Variants in ASPM observed in about 807,000 individuals in gnomAD.
The protein encoded by ASPM is assembly factor for spindle microtubules, also known as abnormal spindle-like microcephaly-associated protein.
In ASPM, 256 loss-of-function variants were observed where a neutral mutation model predicts 366.4. That is an observed-to-expected ratio of 0.70 (90% CI 0.63 to 0.77). The LOEUF is 0.77. Ranked by LOEUF, ASPM falls within the 30% of genes least tolerant of loss-of-function variation. The pLI is 0.00. For missense variants in ASPM, 4,146 were observed against 4,090.4 expected, an observed-to-expected ratio of 1.01 and a Z score of -0.37; for synonymous variants, 1,414 against 1,342.9, an observed-to-expected ratio of 1.05 and a Z score of -1.16.
Position 197,142,686 on chromosome 1 carries a change from G to A in ASPM, c.1566C>T (p.Asn522=), listed in dbSNP as rs749981819. ...INKPKAKRCL[N]SAVGEHEKVI... is the part of the protein sequence containing the mutation. ...CTTTTTCATGTTCACCCACTGCACT[G>A]TTGAGACATCTTTTTGCTTTTGGTT... The change falls in exon 3 of 28, where the codon AAC becomes AAT. Residue 522 remains asparagine, a synonymous_variant. Transcript: ENST00000367409. 1.2e-5 allele frequency: 20 copies of A among 1,613,746 alleles called. No individual in the cohort carries two copies. In the South Asian group the frequency reaches 2.0e-4, roughly 16 times the overall value.
At chr1:197,140,251 C>T (rs532361052) in intron 3 of ASPM, among the ~76,000 whole-genome samples, 1 of 152,254 alleles carries the variant, frequency 6.6e-6, no homozygotes, top group East Asian at 1.9e-4. Context: ...AAGAGCCTTC[C>T]CAGATGGGAA....
chr1:197,131,843 C>G (rs1415775725), intron 7 of ASPM, among the ~76,000 whole-genome samples: 1 of 152,068 alleles, frequency 6.6e-6, no homozygotes, highest in Non-Finnish European at 1.5e-5. Context: ...ACAGCATGAG[C>G]CACCACACCT....
At position 197,095,999 on chromosome 1, in the gene ASPM, G is replaced by T; in HGVS notation, c.8986C>A (p.Arg2996=). 1.2e-6 allele frequency: 2 copies of T among 1,604,664 alleles called. No individual in the cohort carries two copies. Among genetic ancestry groups the T allele is most frequent in the East Asian group, 2.2e-5 (1 of 44,694 alleles). Residue 2996 remains arginine (R), a splice_region_variant and synonymous_variant, in exon 19 of 28, where the codon CGG becomes AGG. Coordinates refer to ENST00000367409, the MANE Select transcript of ASPM (RefSeq NM_018136.5). ...CTCCACAGAACTATGATACATTACCGTGTTCTCTCTAGTTTGGTATAGAAG... is the reference window on the plus strand; with the variant it reads ...CTCCACAGAACTATGATACATTACCTTGTTCTCTCTAGTTTGGTATAGAAG... ...GCFYTKLERT[R]FLNVRASAII... is the part of the protein sequence containing the mutation.
rs1657248091 is a variant in ASPM at position 197,102,944 on chromosome 1, C to A, written c.6307G>T (p.Val2103Phe). 3.7e-6 allele frequency: 6 copies of A among 1,612,312 alleles called. No homozygotes were observed. The highest frequency in any genetic ancestry group is 3.3e-5 in the South Asian group (3 of 91,052). Residue 2103 changes from valine to phenylalanine, a missense_variant, in exon 18 of 28, where the codon GTT becomes TTT. Physicochemically the swap from Val to Phe is conservative, Grantham distance 50. Around this residue, in one of 3 missense-constraint regions of ASPM, gnomAD observed 3,624 missense variants for 3,591.7 expected, o/e 1.01. Coordinates refer to ENST00000367409, the MANE Select transcript of ASPM (RefSeq NM_018136.5). ...CTTCTAACTCTAATACCTCTATAAA[C>A]AGATTGGATTTTAATTGCTGTCTTC... ...LKKTAIKIQS[V>F]YRGIRVRRHI...
At chr1:197,108,836 T>C (rs538541765) in intron 17 of ASPM, among the ~76,000 whole-genome samples, 2 of 151,934 alleles carry the variant, frequency 1.3e-5, no homozygotes, top group South Asian at 4.2e-4. Context: ...TTGAGTGTGG[T>C]GGTACATGCC....
chr1:197,139,126 T>C lies in ASPM; in HGVS notation c.2026+641A>G, dbSNP rs571373154. The C allele has an allele frequency of 2.3e-4, 188 of 816,512 alleles. No homozygotes were observed. In the Middle Eastern group the frequency reaches 3.9e-3, roughly 17 times the overall value. 50.6% of individuals were successfully genotyped at this position (816,512 alleles called of 1,614,324 possible). A position where few individuals can be genotyped will look rare whatever the true frequency, so the allele number is the denominator to read the frequency against. On this transcript the variant is annotated intron_variant, in intron 4 of 27. Coordinates refer to ENST00000367409, the MANE Select transcript of ASPM (RefSeq NM_018136.5). ...CCTACAGCATTCATAGTGCTGAGTG[T>C]AGGTTTTTCTTTTAGATTTTCCACA...
At chr1:197,133,219 TCATGTTGTATACCTTAAATATATGC>T in intron 6 of ASPM, 106 bp downstream of exon 6, 1 of 890,372 alleles carries the variant, frequency 1.1e-6, no homozygotes, top group Non-Finnish European at 1.7e-6. Context: ...TATATCAACA[TCATGTTGTATACCTTAAATATATGC>T]CAGTTTTACC....
In ASPM at chr1:197,109,804, T is replaced by A. The variant is rs567294836; in HGVS notation, c.4066-4619A>T. Reference sequence around the variant, plus strand: ...ATGTTAAAGGGTTAACATATAAGGATGAATGTTTATAAAAAAGAAACAAAT... The same window carrying A: ...ATGTTAAAGGGTTAACATATAAGGAAGAATGTTTATAAAAAAGAAACAAAT... On this transcript the variant is annotated intron_variant, in intron 17 of 27. Transcript: ENST00000367409. 5.3e-5 allele frequency among the ~76,000 whole-genome samples: 8 copies of A among 152,014 alleles called. No homozygotes were observed. In the South Asian group the frequency reaches 1.5e-3, roughly 28 times the overall value.
chr1:197,126,248 C>T (rs1658085365), intron 10 of ASPM, among the ~76,000 whole-genome samples: 1 of 151,992 alleles, frequency 6.6e-6, no homozygotes, highest in African/African-American at 2.4e-5. Flanking sequence ...CAAGACCAGC[C>T]TGACCAACAT....
chr1:197,103,408 C>A lies in ASPM; in HGVS notation c.5843G>T (p.Arg1948Leu), dbSNP rs373196055. 3 of 1,613,202 alleles carry A rather than the reference C, an allele frequency of 1.9e-6. No individual in the cohort carries two copies. Among genetic ancestry groups the A allele is most frequent in the Non-Finnish European group, 2.5e-6 (3 of 1,179,424 alleles). Residue 1948 changes from arginine (R) to leucine (L), a missense_variant, in exon 18 of 28, where the codon CGT (arginine) becomes CTT (leucine). By Grantham distance (102) the Arg-to-Leu change is moderately radical. Around this residue, in one of 3 missense-constraint regions of ASPM, gnomAD observed 3,624 missense variants for 3,591.7 expected, o/e 1.01. Coordinates refer to ENST00000367409, the MANE Select transcript of ASPM (RefSeq NM_018136.5). Reference sequence around the variant, plus strand: ...AGATTGAAGCACCAGTACCGCATGACGGAGTTCAATATACTCCATACATTG... The same window carrying A: ...AGATTGAAGCACCAGTACCGCATGAAGGAGTTCAATATACTCCATACATTG... ...RKQCMEYIELRHAVLVLQSMW... is the reference protein window; with the variant it reads ...RKQCMEYIELLHAVLVLQSMW...
chr1:197,142,805 G>A lies in ASPM; in HGVS notation c.1447C>T (p.His483Tyr). The change falls in exon 3 of 28, where the codon CAC becomes TAC. Residue 483 changes from histidine to tyrosine, a missense_variant. Around this residue, in one of 3 missense-constraint regions of ASPM, gnomAD observed 3,624 missense variants for 3,591.7 expected, o/e 1.01. Coordinates refer to ENST00000367409, the MANE Select transcript of ASPM (RefSeq NM_018136.5). ...GGACGTCTCTTAGGTTGTTTATTGTGGCTATGACTAGAAATATCCTGAACT... is the reference window on the plus strand; with the variant it reads ...GGACGTCTCTTAGGTTGTTTATTGTAGCTATGACTAGAAATATCCTGAACT... ...SAVQDISSHSHNKQPKRRPIL... is the reference protein window; with the variant it reads ...SAVQDISSHSYNKQPKRRPIL... The A allele has an allele frequency of 1.2e-6, 2 of 1,613,468 alleles. No individual in the cohort carries two copies. Among genetic ancestry groups the A allele is most frequent in the Non-Finnish European group, 1.7e-6 (2 of 1,179,500 alleles).
At position 197,104,167 on chromosome 1, in the gene ASPM, C is replaced by A. The variant is rs541097917; in HGVS notation, c.5084G>T (p.Arg1695Leu). The A allele has an allele frequency of 1.4e-5, 22 of 1,612,666 alleles. No individual in the cohort carries two copies. In the South Asian group the frequency reaches 1.8e-4, roughly 13 times the overall value. The change falls in exon 18 of 28, where the codon CGT becomes CTT. Residue 1695 changes from arginine to leucine, a missense_variant. Physicochemically the swap from Arg to Leu is moderately radical, Grantham distance 102. Coordinates refer to ENST00000367409, the MANE Select transcript of ASPM (RefSeq NM_018136.5). ...LQSTVKMKQT[R>L]KQYLHLRAAA... ...TGCTCTTAAATGCAAATATTGTTTA[C>A]GTGTTTGTTTCATCTTAACAGTTGA...
In ASPM at chr1:197,104,353, C is replaced by T. The variant is rs181624297; in HGVS notation, c.4898G>A (p.Arg1633His). 1.3e-5 allele frequency: 21 copies of T among 1,612,980 alleles called. No individual in the cohort carries two copies. Among genetic ancestry groups the T allele is most frequent in the South Asian group, 3.3e-5 (3 of 91,050 alleles). ...AGACTGCAGCACAATGACAGCAGAG[C>T]GTGTTTTCTGGTAAGATGCTAGAAC... The part of the protein sequence containing the change: ...MKVLASYQKT[R>H]SAVIVLQSAY... The change falls in exon 18 of 28, where the codon CGC (arginine) becomes CAC (histidine). Residue 1633 changes from arginine to histidine, a missense_variant. Physicochemically the swap from Arg to His is conservative, Grantham distance 29. Around this residue, in one of 3 missense-constraint regions of ASPM, gnomAD observed 3,624 missense variants for 3,591.7 expected, o/e 1.01. Coordinates refer to ENST00000367409, the MANE Select transcript of ASPM (RefSeq NM_018136.5).
At chr1:197,127,410 T>A (rs1285035368) in intron 10 of ASPM, among the ~76,000 whole-genome samples, 1 of 152,178 alleles carries the variant, frequency 6.6e-6, no homozygotes, top group Non-Finnish European at 1.5e-5. Flanking sequence ...TCCCCATACG[T>A]CAACATTTAA....
chr1:197,098,900 C>T (rs999570001), intron 18 of ASPM, among the ~76,000 whole-genome samples: 1 of 151,594 alleles, frequency 6.6e-6, no homozygotes, highest in Non-Finnish European at 1.5e-5. Context: ...AACTGCCTTA[C>T]TAGATATTTC....
rs568818943 is a variant in ASPM at position 197,144,291 on chromosome 1, T to G, written c.298-191A>C. Among the ~76,000 whole-genome samples the G allele has an allele frequency of 5.9e-5, 9 of 152,238 alleles. No individual in the cohort carries two copies. In the South Asian group the frequency reaches 1.9e-3, roughly 31 times the overall value. On this transcript the variant is annotated intron_variant, in intron 1 of 27. Coordinates refer to ENST00000367409, the MANE Select transcript of ASPM (RefSeq NM_018136.5). ...TTATAAGAAAAAAAGTCACTAAAAA[T>G]AACAGGGTTCACAACAAAATAAATA...
intron 22 of ASPM, 83 bp from the exon 23 acceptor site, chr1:197,091,124 TGAAA>T: frequency 8.7e-7 from 1 of 1,150,070 alleles, no homozygotes; most frequent in Non-Finnish European, 1.3e-6. Context: ...TATACATAAA[TGAAA>T]GAAATAGAAC....
chr1:197,091,954 C>A lies in ASPM; in HGVS notation c.9397G>T (p.Ala3133Ser). Residue 3133 changes from alanine to serine, a missense_variant, in exon 22 of 28, where the codon GCT becomes TCT. Around this residue, in one of 3 missense-constraint regions of ASPM, gnomAD observed 3,624 missense variants for 3,591.7 expected, o/e 1.01. Coordinates refer to ENST00000367409, the MANE Select transcript of ASPM (RefSeq NM_018136.5). ...ACCTGCTTGTTAGCATTCTTCACAG[C>A]CAGGTAAAGTTTATAGGCTCTTTGA... is the stretch of plus-strand genomic sequence containing the variant. The part of the protein sequence containing the change: ...RIQRAYKLYL[A>S]VKNANKQVNS... 6.2e-7 allele frequency: 1 copy of A among 1,611,358 alleles called. No individual in the cohort carries two copies. Among genetic ancestry groups the A allele is most frequent in the Non-Finnish European group, 8.5e-7 (1 of 1,178,786 alleles).
intron 10 of ASPM, among the ~76,000 whole-genome samples, chr1:197,127,485 G>A (rs1658126270): frequency 6.6e-6 from 1 of 152,116 alleles, no homozygotes; most frequent in Admixed American, 6.5e-5. Context: ...TTGCTTTAAA[G>A]AAATCTCTTG....
Sources: gnomAD v4.1 joint callset for allele counts (sites outside exome capture counted in the v4.1 genomes callset) on GRCh38, gnomAD v4.1.1 for gene constraint, gnomAD v4.1.1 regional missense constraint, MANE v1.5 for transcripts, NCBI Gene and HGNC (gene_info 2026-07-23, HGNC 2026-07-21) for gene names.